Variants in WWOX observed in about 807,000 individuals in gnomAD.
WWOX encodes the protein WW domain-containing oxidoreductase.
A neutral mutation model predicts 46.2 loss-of-function variants in WWOX; 69 were observed. That is an observed-to-expected ratio of 1.49 (90% confidence interval 1.23 to 1.82). WWOX has a LOEUF of 1.82. Among genes scored for constraint, WWOX ranks in the 40% most tolerant of loss-of-function variants. The probability of loss-of-function intolerance (pLI) is 0.00; values close to 1 mark genes in which losing one functional copy is unlikely to be tolerated. For missense variants in WWOX, 919 were observed against 542.6 expected, an observed-to-expected ratio of 1.69 and a Z score of -6.89; for synonymous variants, 359 against 202.6, an observed-to-expected ratio of 1.77 and a Z score of -6.56.
At chr16:79,105,727 A>G (rs536595974) in intron 8 of WWOX, among the ~76,000 whole-genome samples, 1 of 151,834 alleles carries the variant, frequency 6.6e-6, no homozygotes, top group Non-Finnish European at 1.5e-5. Flanking sequence ...CAGTAGTGCA[A>G]TCTTGGCTCA....
intron 8 of WWOX, among the ~76,000 whole-genome samples, chr16:79,141,152 T>C (rs544059650): frequency 1.3e-5 from 2 of 152,300 alleles, no homozygotes; most frequent in African/African-American, 2.4e-5. Flanking sequence ...TCGGATTGCC[T>C]CCTTTGGAGA....
chr16:78,416,918 G>T (rs185560614), intron 6 of WWOX, among the ~76,000 whole-genome samples: 1 of 152,322 alleles, frequency 6.6e-6, no homozygotes, highest in African/African-American at 2.4e-5. Context: ...CCATGAGTCA[G>T]GTAAGGAAAA....
chr16:78,470,907 T>C (rs1048651610), intron 8 of WWOX, among the ~76,000 whole-genome samples: 2 of 152,194 alleles, frequency 1.3e-5, no homozygotes, highest in African/African-American at 2.4e-5. Context: ...ACAGGTGATA[T>C]TGTGCCTACT....
chr16:78,866,645 G>T (rs2044010200), intron 8 of WWOX, among the ~76,000 whole-genome samples: 1 of 152,204 alleles, frequency 6.6e-6, no homozygotes, highest in African/African-American at 2.4e-5. Flanking sequence ...GCTCCTGGCG[G>T]TGTTTTTGTT....
At chr16:79,089,712 C>T (rs920942501) in intron 8 of WWOX, among the ~76,000 whole-genome samples, 4 of 152,106 alleles carry the variant, frequency 2.6e-5, no homozygotes, top group South Asian at 2.1e-4. Flanking sequence ...GTCGCCTAAG[C>T]GTTTAAGCAT....
intron 8 of WWOX, among the ~76,000 whole-genome samples, chr16:79,117,585 C>G (rs970574527): frequency 6.6e-6 from 1 of 152,242 alleles, no homozygotes; most frequent in African/African-American, 2.4e-5. Flanking sequence ...GCCTTCTCCT[C>G]CCTAGCTCTC....
chr16:78,528,673 C>G (rs908497616), intron 8 of WWOX, among the ~76,000 whole-genome samples: 22 of 152,054 alleles, frequency 1.4e-4, no homozygotes, highest in Non-Finnish European at 2.8e-4. Flanking sequence ...TGCCTCTGGG[C>G]TTTTTAACAT....
intron 8 of WWOX, among the ~76,000 whole-genome samples, chr16:79,101,990 A>G (rs12716867): frequency 0.3 from 42,033 of 140,732 alleles, 7,303 homozygotes; most frequent in East Asian, 0.64. Flanking sequence ...AAGCTGCATC[A>G]TCTTCCTCCT....
Position 78,504,070 on chromosome 16 carries a change from T to C in WWOX, c.1056+71318T>C, listed in dbSNP as rs752171029. Among the ~76,000 whole-genome samples, 34 of 152,210 alleles carry C rather than the reference T, an allele frequency of 2.2e-4. 1 individual carries two copies. The highest frequency in any genetic ancestry group is 8.8e-5 in the Non-Finnish European group (6 of 68,040). On this transcript the variant is annotated intron_variant, in intron 8 of 8. Coordinates refer to ENST00000566780, the MANE Select transcript of WWOX (RefSeq NM_016373.4). The stretch of plus-strand genomic sequence containing the variant: ...GGGAAAAAAGTGCTTGGCAACTGTG[T>C]TTGATAGATTTCTTTTATGATTAAT...
chr16:79,041,070 G>C (rs1429651813), intron 8 of WWOX, among the ~76,000 whole-genome samples: 1 of 151,920 alleles, frequency 6.6e-6, no homozygotes, highest in African/African-American at 2.4e-5. Flanking sequence ...AACATGGCCA[G>C]AATGCAATGT....
At chr16:78,323,391 C>A (rs2080533172) in intron 5 of WWOX, among the ~76,000 whole-genome samples, 1 of 152,176 alleles carries the variant, frequency 6.6e-6, no homozygotes, top group African/African-American at 2.4e-5. Flanking sequence ...AGGCGTGAGC[C>A]ACTGCGCCCG....
In WWOX at chr16:78,120,996, A is replaced by G. The variant is rs1240214255; in HGVS notation, c.409+5842A>G. ...TGTCATTGATGGTTTTTTTTTTTCT[A>G]GTTATTCCAAAAGGTCCCATAAATC... On this transcript the variant is annotated intron_variant, in intron 4 of 8. Transcript: ENST00000566780. 2.2e-4 allele frequency among the ~76,000 whole-genome samples: 33 copies of G among 148,730 alleles called. 1 individual carries two copies. The highest frequency in any genetic ancestry group is 5.4e-4 in the African/African-American group (22 of 40,492).
At chr16:79,026,936 GGTAGACT>G (rs2047656970) in intron 8 of WWOX, among the ~76,000 whole-genome samples, 2 of 151,418 alleles carry the variant, frequency 1.3e-5, no homozygotes, top group South Asian at 4.2e-4. Context: ...GGCGGCACGT[GGTAGACT>G]CTTAATGAAT....
At chr16:78,193,084 T>C (rs1367202045) in intron 5 of WWOX, among the ~76,000 whole-genome samples, 2 of 152,212 alleles carry the variant, frequency 1.3e-5, no homozygotes, top group African/African-American at 4.8e-5. Flanking sequence ...GTAGGAGATG[T>C]CATCAGGGCC....
intron 8 of WWOX, among the ~76,000 whole-genome samples, chr16:78,733,174 A>G (rs2049005842): frequency 6.6e-6 from 1 of 152,256 alleles, no homozygotes; most frequent in African/African-American, 2.4e-5. Flanking sequence ...CTATTTATAA[A>G]GAAGATTCTA....
chr16:78,439,222 C>T (rs1312109809), intron 8 of WWOX, among the ~76,000 whole-genome samples: 1 of 152,170 alleles, frequency 6.6e-6, no homozygotes, highest in Non-Finnish European at 1.5e-5. Context: ...TTGTATTCTT[C>T]ATGAATCTAA....
rs542448724 is a variant in WWOX at position 79,128,679 on chromosome 16, C to T, written c.1057-82929C>T. On this transcript the variant is annotated intron_variant, in intron 8 of 8. Transcript: ENST00000566780. ...CAACTGAGGAATTCTAATGTTTTAACAGCATCCTACTTATTTCTAAAGTGT... is the reference window on the plus strand; with the variant it reads ...CAACTGAGGAATTCTAATGTTTTAATAGCATCCTACTTATTTCTAAAGTGT... Among the ~76,000 whole-genome samples the T allele has an allele frequency of 4.6e-5, 7 of 152,312 alleles. No homozygotes were observed. The South Asian group carries it at 1.0e-3, about 23-fold the overall frequency.
intron 8 of WWOX, among the ~76,000 whole-genome samples, chr16:78,714,702 A>G (rs1483886227): frequency 6.6e-6 from 1 of 152,158 alleles, no homozygotes; most frequent in African/African-American, 2.4e-5. Context: ...TGTTTGAGAC[A>G]CTGAAGTCCA....
At chr16:78,427,732 C>T (rs375217520) in intron 7 of WWOX, among the ~76,000 whole-genome samples, 1 of 152,078 alleles carries the variant, frequency 6.6e-6, no homozygotes, top group Non-Finnish European at 1.5e-5. Context: ...AAGCGTTGAT[C>T]ATGCCACTGC....
Sources: gnomAD v4.1 joint callset for allele counts (sites outside exome capture counted in the v4.1 genomes callset) on GRCh38, gnomAD v4.1.1 for gene constraint, MANE v1.5 for transcripts, NCBI Gene and HGNC (gene_info 2026-07-23, HGNC 2026-07-21) for gene names.